Variants in ZNF273 observed in about 807,000 individuals in gnomAD.
The protein encoded by ZNF273 is zinc finger protein 9.
A neutral mutation model predicts 14.9 loss-of-function variants in ZNF273; 11 were observed. The observed-to-expected ratio is 0.74, with a 90% CI of 0.46 to 1.22. The LOEUF is 1.22. Ranked by LOEUF, ZNF273 falls within the 50% of genes most tolerant of loss-of-function variation. ZNF273 has a pLI of 0.00. For synonymous variants in ZNF273, 199 were observed against 223.9 expected, an observed-to-expected ratio of 0.89 and a Z score of 0.99; for missense variants, 577 against 660.6, an observed-to-expected ratio of 0.87 and a Z score of 1.39.
chr7:64,914,819 C>T (rs1793837804), intron 1 of ZNF273, among the ~76,000 whole-genome samples: 1 of 144,082 alleles, frequency 6.9e-6, no homozygotes, highest in Non-Finnish European at 1.5e-5. Context: ...GCAGGCGGTG[C>T]TGACACTTCA....
chr7:64,889,087 GA>G, downstream of ZNF273: 1 of 985,988 alleles, frequency 1.0e-6, no homozygotes, highest in Non-Finnish European at 1.2e-6. This position sits in a 1 kb window ranked among gnomAD's most constrained non-coding sequence, Gnocchi z 4.2. Context: ...CCGTTTTGCG[GA>G]AGGCACAGTC....
upstream of ZNF273, chr7:64,903,200 T>C (rs1210353826): frequency 1.3e-6 from 1 of 795,406 alleles, no homozygotes; most frequent in East Asian, 3.0e-5. Context: ...TCAGGGACGC[T>C]GGGCTGGGAC....
downstream of ZNF273, among the ~76,000 whole-genome samples, chr7:64,892,180 G>C (rs1222281383): frequency 6.6e-6 from 1 of 152,128 alleles, no homozygotes; most frequent in African/African-American, 2.4e-5. Context: ...AGAAATCAGA[G>C]TATCCTCTTT....
downstream of ZNF273, among the ~76,000 whole-genome samples, chr7:64,934,596 A>G (rs1795046133): frequency 6.6e-6 from 1 of 152,106 alleles, no homozygotes; most frequent in African/African-American, 2.4e-5. Context: ...AGTGTTACCT[A>G]TATTTAAATT....
chr7:64,933,138 A>T (rs1489670583), downstream of ZNF273: 1 of 152,074 alleles, frequency 6.6e-6, no homozygotes, highest in Admixed American at 6.6e-5. Flanking sequence ...CGCCTGGCTA[A>T]TTTTTGTACT....
chr7:64,909,373 C>T (rs1177113016), intron 1 of ZNF273, among the ~76,000 whole-genome samples: 1 of 152,032 alleles, frequency 6.6e-6, no homozygotes, highest in African/African-American at 2.4e-5. Flanking sequence ...TACAGGCATG[C>T]ACCACCATGC....
chr7:64,905,733 AG>A (rs1173373638), intron 1 of ZNF273, among the ~76,000 whole-genome samples: 1 of 152,194 alleles, frequency 6.6e-6, no homozygotes, highest in Non-Finnish European at 1.5e-5. Flanking sequence ...TTAAGTGAGC[AG>A]GATGGGGTGG....
intron 1 of ZNF273, among the ~76,000 whole-genome samples, chr7:64,904,942 A>G (rs571574144): frequency 1.4e-3 from 208 of 152,086 alleles, no homozygotes; most frequent in African/African-American, 4.7e-3. Flanking sequence ...GAGTTTTAGT[A>G]CTGTCTGGGG....
upstream of ZNF273, among the ~76,000 whole-genome samples, chr7:64,898,714 T>A (rs1398088838): frequency 1.3e-5 from 2 of 152,242 alleles, no homozygotes; most frequent in East Asian, 3.9e-4. Flanking sequence ...TTTCCAGTAT[T>A]CACATTGAGT....
chr7:64,934,498 A>G (rs78817852), downstream of ZNF273, among the ~76,000 whole-genome samples: 1,624 of 152,268 alleles, frequency 0.011, 29 homozygotes, highest in African/African-American at 0.035. Context: ...ATTTTTATAT[A>G]TGGTGTGAAA....
chr7:64,932,657 C>T (rs1246859697), downstream of ZNF273, among the ~76,000 whole-genome samples: 1 of 152,038 alleles, frequency 6.6e-6, no homozygotes, highest in Non-Finnish European at 1.5e-5. Flanking sequence ...CACGGTGGCT[C>T]ATGCCTGTAA....
At chr7:64,909,323 C>G (rs568719807) in intron 1 of ZNF273, among the ~76,000 whole-genome samples, 7 of 151,876 alleles carry the variant, frequency 4.6e-5, no homozygotes, top group African/African-American at 1.5e-4. Context: ...CACCCAGGCT[C>G]GAGCGACTCT....
chr7:64,881,592 C>T (rs1013410987), downstream of ZNF273, among the ~76,000 whole-genome samples: 1 of 152,184 alleles, frequency 6.6e-6, no homozygotes, highest in African/African-American at 2.4e-5. Context: ...TGTTTCATTT[C>T]ATCTGCACAT....
upstream of ZNF273, among the ~76,000 whole-genome samples, chr7:64,900,899 A>G (rs183666179): frequency 2.0e-3 from 301 of 152,248 alleles, 1 homozygote; most frequent in Non-Finnish European, 3.4e-3. Flanking sequence ...TCTTTTGCCT[A>G]TAAACTTCTG....
downstream of ZNF273, among the ~76,000 whole-genome samples, chr7:64,890,339 G>A (rs1791930306): frequency 6.6e-6 from 1 of 152,052 alleles, no homozygotes; most frequent in South Asian, 2.1e-4. Flanking sequence ...CAGGCTGGCT[G>A]GATCACAACA....
intron 3 of ZNF273, among the ~76,000 whole-genome samples, chr7:64,918,659 CAAAAAAAAA>C (rs1171857179): frequency 6.2e-5 from 5 of 80,052 alleles, no homozygotes; most frequent in Admixed American, 1.8e-4. Flanking sequence ...GACTCCATCT[CAAAAAAAAA>C]AAAAAAAAAA....
intron 1 of ZNF273, among the ~76,000 whole-genome samples, chr7:64,887,054 G>A (rs1791627659): frequency 6.6e-6 from 1 of 152,078 alleles, no homozygotes; most frequent in Non-Finnish European, 1.5e-5. Flanking sequence ...CCTCACAAAG[G>A]TGTTATGTCC....
chr7:64,926,572 C>T (rs200496616), intron 3 of ZNF273, among the ~76,000 whole-genome samples: 3 of 151,962 alleles, frequency 2.0e-5, no homozygotes, highest in Non-Finnish European at 4.4e-5. Context: ...ATTTTTACAG[C>T]TTCATTCTTT....
chr7:64,913,757 A>T (rs986926476), intron 1 of ZNF273, among the ~76,000 whole-genome samples: 1 of 152,154 alleles, frequency 6.6e-6, no homozygotes, highest in Non-Finnish European at 1.5e-5. Flanking sequence ...CGATTCATGG[A>T]CCCTTTGCAA....
Sources: allele counts gnomAD v4.1 joint callset (sites outside exome capture counted in the v4.1 genomes callset), GRCh38; gene constraint gnomAD v4.1.1; non-coding constraint Gnocchi (gnomAD v3.1); transcripts MANE v1.5; gene names NCBI Gene and HGNC (gene_info 2026-07-23, HGNC 2026-07-21).